RAB3GAP1: variants seen among roughly 807,000 people sequenced by gnomAD.
The protein encoded by RAB3GAP1 is RAB3 GTPase activating protein catalytic subunit 1.
Under a neutral mutation model 130.7 loss-of-function variants are expected in RAB3GAP1, and 86 were observed. The observed-to-expected ratio is 0.66, with a 90% CI of 0.55 to 0.79. The LOEUF is 0.79. Among genes scored for constraint, RAB3GAP1 ranks in the 30% least tolerant of loss-of-function variants. The pLI is 0.00. For missense variants in RAB3GAP1, 1,029 were observed against 1,169.4 expected, an observed-to-expected ratio of 0.88 and a Z score of 1.75; for synonymous variants, 367 against 401.7, an observed-to-expected ratio of 0.91 and a Z score of 1.03.
chr2:135,149,145 A>G lies in RAB3GAP1; in HGVS notation c.1924-1224A>G, dbSNP rs377407449. On this transcript the variant is annotated intron_variant, in intron 17 of 23. Coordinates refer to ENST00000264158, the MANE Select transcript of RAB3GAP1 (RefSeq NM_012233.3). ...GATAGTCAGTGTCCTCTCAGTATCTATTTCCTTCCTTCCCATCCTGTGATT... is the reference window on the plus strand; with the variant it reads ...GATAGTCAGTGTCCTCTCAGTATCTGTTTCCTTCCTTCCCATCCTGTGATT... 2.3e-4 allele frequency among the ~76,000 whole-genome samples: 35 copies of G among 152,148 alleles called. No individual in the cohort carries two copies. The South Asian group carries it at 5.8e-3, about 25-fold the overall frequency.
chr2:135,087,247 A>G (rs1382117269), intron 3 of RAB3GAP1, among the ~76,000 whole-genome samples: 1 of 151,982 alleles, frequency 6.6e-6, no homozygotes, highest in African/African-American at 2.4e-5. Context: ...TTATTTCTGG[A>G]CTCTATTTCA....
intron 5 of RAB3GAP1, among the ~76,000 whole-genome samples, chr2:135,110,903 T>A (rs1214856533): frequency 6.6e-6 from 1 of 152,192 alleles, no homozygotes; most frequent in East Asian, 1.9e-4. Flanking sequence ...CTGTTGACAG[T>A]GATTTTATAC....
At chr2:135,065,767 A>ATTTTT (rs1201634667) in intron 3 of RAB3GAP1, among the ~76,000 whole-genome samples, 5 of 123,940 alleles carry the variant, frequency 4.0e-5, no homozygotes, top group South Asian at 2.5e-4. Context: ...ATCTTCACTA[A>ATTTTT]TTTTTTTTTT....
chr2:135,160,985 C>G, intron 19 of RAB3GAP1, among the ~76,000 whole-genome samples: 1 of 152,100 alleles, frequency 6.6e-6, no homozygotes. Flanking sequence ...ACAGGTCATA[C>G]GTGAATCCAG....
intron 7 of RAB3GAP1, among the ~76,000 whole-genome samples, chr2:135,117,198 T>G (rs1232657467): frequency 6.6e-6 from 1 of 152,186 alleles, no homozygotes; most frequent in African/African-American, 2.4e-5. Flanking sequence ...GAATTCCGTG[T>G]ATATATGTAA....
chr2:135,107,633 G>A (rs998404293), intron 5 of RAB3GAP1, among the ~76,000 whole-genome samples: 6 of 152,122 alleles, frequency 3.9e-5, no homozygotes, highest in African/African-American at 1.2e-4. Context: ...TTTTAAAGAG[G>A]TCCTTAATCT....
intron 19 of RAB3GAP1, among the ~76,000 whole-genome samples, chr2:135,159,475 A>T (rs1031400316): frequency 7.2e-5 from 11 of 152,208 alleles, no homozygotes; most frequent in Non-Finnish European, 1.3e-4. Context: ...CATGAGGAAA[A>T]CATCAGATAA....
At chr2:135,168,512 T>G in intron 23 of RAB3GAP1, 33 bp from the exon 24 acceptor site, 1 of 1,572,326 alleles carries the variant, frequency 6.4e-7, no homozygotes, top group Non-Finnish European at 8.8e-7. Flanking sequence ...GCATTTGACC[T>G]GCTTTTGACT....
chr2:135,150,250 T>A (rs1024547701), intron 17 of RAB3GAP1, 119 bp from the exon 18 acceptor site: 27 of 1,250,210 alleles, frequency 2.2e-5, no homozygotes, highest in Non-Finnish European at 3.0e-5. Context: ...TCTGAATTTT[T>A]AAAAATACTC....
chr2:135,120,917 A>G lies in RAB3GAP1; in HGVS notation c.747A>G (p.Pro249=). 1.3e-6 allele frequency: 2 copies of G among 1,567,790 alleles called. No homozygotes were observed. The highest frequency in any genetic ancestry group is 4.5e-5 in the East Asian group (2 of 44,638). Residue 249 remains proline (P), a splice_region_variant and synonymous_variant, in exon 8 of 24, where the codon CCA becomes CCG. Transcript: ENST00000264158. ...WQQYFWPQQP[P]DIDALVGGEV... ...AGTATTTTTGGCCTCAGCAACCTCCAGGTGAGATCATTTAGAACTATATTT... is the reference window on the plus strand; with the variant it reads ...AGTATTTTTGGCCTCAGCAACCTCCGGGTGAGATCATTTAGAACTATATTT...
chr2:135,079,344 C>T (rs1689720801), intron 3 of RAB3GAP1, among the ~76,000 whole-genome samples: 1 of 152,112 alleles, frequency 6.6e-6, no homozygotes, highest in Non-Finnish European at 1.5e-5. Context: ...CCCTTCCTTA[C>T]CTTCTCTTTC....
At chr2:135,119,875 T>C (rs1026903262) in intron 7 of RAB3GAP1, among the ~76,000 whole-genome samples, 2 of 152,230 alleles carry the variant, frequency 1.3e-5, no homozygotes, top group African/African-American at 2.4e-5. Flanking sequence ...TATATTAGTT[T>C]AGATTAAGCA....
chr2:135,065,117 C>T (rs1292994328), intron 3 of RAB3GAP1, among the ~76,000 whole-genome samples: 2 of 152,102 alleles, frequency 1.3e-5, no homozygotes, highest in African/African-American at 4.8e-5. Context: ...GGACTTACCC[C>T]CTTTTGGCTT....
intron 6 of RAB3GAP1, among the ~76,000 whole-genome samples, chr2:135,114,011 G>A (rs968340220): frequency 1.3e-5 from 2 of 152,114 alleles, no homozygotes; most frequent in Admixed American, 1.3e-4. Context: ...CGGCCTTCCA[G>A]AATGCTAGGA....
chr2:135,137,827 T>G (rs551675444), intron 17 of RAB3GAP1, among the ~76,000 whole-genome samples: 91 of 152,010 alleles, frequency 6.0e-4, no homozygotes, highest in South Asian at 1.2e-3. Flanking sequence ...TTGTTTTTTT[T>G]TTGTTGTTTT....
chr2:135,115,439 G>T lies in RAB3GAP1; in HGVS notation c.648+58G>T. ...GAGATCCAGATAAAAGTAGAGATTT[G>T]ATCATTTTATTCAGCATATAGAAAC... On this transcript the variant is annotated intron_variant, in intron 7 of 23. Coordinates refer to ENST00000264158, the MANE Select transcript of RAB3GAP1 (RefSeq NM_012233.3). 4 of 1,518,326 alleles carry T rather than the reference G, an allele frequency of 2.6e-6. No homozygotes were observed. The South Asian group carries it at 3.5e-5, about 13-fold the overall frequency. 94.1% of individuals were successfully genotyped at this position (1,518,326 alleles called of 1,614,324 possible). A position where few individuals can be genotyped will look rare whatever the true frequency, so the allele number is the denominator to read the frequency against.
At chr2:135,165,035 G>A (rs1433791356) in intron 23 of RAB3GAP1, 1 of 419,102 alleles carries the variant, frequency 2.4e-6, no homozygotes, top group African/African-American at 2.1e-5. Flanking sequence ...TTTCAAATGA[G>A]AATGGAGTTC....
chr2:135,076,427 A>G (rs1464127390), intron 3 of RAB3GAP1, among the ~76,000 whole-genome samples: 1 of 151,902 alleles, frequency 6.6e-6, no homozygotes, highest in Admixed American at 6.6e-5. Context: ...ATTTTTATTT[A>G]TATTTTCCTG....
downstream of RAB3GAP1, among the ~76,000 whole-genome samples, chr2:135,172,927 G>C (rs376218322): frequency 1.3e-5 from 2 of 152,248 alleles, no homozygotes; most frequent in African/African-American, 4.8e-5. Context: ...TTGGTTATAG[G>C]AGCCATTGCA....
Sources: allele counts gnomAD v4.1 joint callset (sites outside exome capture counted in the v4.1 genomes callset), GRCh38; gene constraint gnomAD v4.1.1; transcripts MANE v1.5; gene names NCBI Gene and HGNC (gene_info 2026-07-23, HGNC 2026-07-21).